COL4A2: variants seen among roughly 807,000 people sequenced by gnomAD.
COL4A2 encodes the protein collagen alpha-2(IV) chain.
COL4A2 carries 99 observed loss-of-function variants against 200.2 expected under a neutral mutation model. The ratio of observed to expected loss-of-function variants is 0.49; its 90% CI spans 0.42 to 0.58. COL4A2 has a LOEUF of 0.58. Among genes scored for constraint, COL4A2 ranks in the 20% least tolerant of loss-of-function variants. The pLI is 0.00. For missense variants in COL4A2, 1,950 were observed against 2,314.1 expected, an observed-to-expected ratio of 0.84 and a Z score of 3.23; for synonymous variants, 897 against 900.6, an observed-to-expected ratio of 1.00 and a Z score of 0.07.
intron 3 of COL4A2, among the ~76,000 whole-genome samples, chr13:110,324,206 G>C (rs971496712): frequency 2.3e-4 from 35 of 152,172 alleles, no homozygotes; most frequent in African/African-American, 8.4e-4. Flanking sequence ...GGCAGGCAGA[G>C]GTTGGCCAGT....
At chr13:110,321,202 C>A (rs71441608) in intron 3 of COL4A2, among the ~76,000 whole-genome samples, 1 of 128,770 alleles carries the variant, frequency 7.8e-6, no homozygotes, top group Admixed American at 7.7e-5. Flanking sequence ...GTGTATGTGT[C>A]TGTGTGTATA....
At chr13:110,439,288 A>G (rs1439081923) in intron 15 of COL4A2, among the ~76,000 whole-genome samples, 1 of 152,232 alleles carries the variant, frequency 6.6e-6, no homozygotes, top group Non-Finnish European at 1.5e-5. Flanking sequence ...AAAAGACCGT[A>G]TTTTACATTC....
At chr13:110,502,231 G>T (rs1282230290) in intron 41 of COL4A2, among the ~76,000 whole-genome samples, 1 of 152,230 alleles carries the variant, frequency 6.6e-6, no homozygotes, top group Non-Finnish European at 1.5e-5. Context: ...AGTGCTGAAA[G>T]CAACCCGAGT....
intron 24 of COL4A2, 104 bp downstream of exon 24, chr13:110,462,488 C>T (rs551461632): frequency 3.0e-5 from 32 of 1,083,332 alleles, no homozygotes; most frequent in Non-Finnish European, 4.1e-5. Flanking sequence ...CTAAACCAAC[C>T]TGTGCATAGG....
chr13:110,364,394 T>A (rs1877652516), intron 4 of COL4A2, among the ~76,000 whole-genome samples: 1 of 152,196 alleles, frequency 6.6e-6, no homozygotes, highest in African/African-American at 2.4e-5. Flanking sequence ...ATCTATCAAA[T>A]CCTCAATGGT....
At chr13:110,349,481 G>A (rs906313370) in intron 3 of COL4A2, among the ~76,000 whole-genome samples, 1 of 152,182 alleles carries the variant, frequency 6.6e-6, no homozygotes, top group Non-Finnish European at 1.5e-5. Context: ...TCTTAATCCT[G>A]CAGCTGCCAC....
intron 4 of COL4A2, among the ~76,000 whole-genome samples, chr13:110,417,144 C>T (rs2139446319): frequency 6.6e-6 from 1 of 152,298 alleles, no homozygotes; most frequent in East Asian, 1.9e-4. Flanking sequence ...CCACGCCTGG[C>T]TCATTTTTGT....
chr13:110,315,758 A>G (rs1885115167), intron 3 of COL4A2, among the ~76,000 whole-genome samples: 1 of 152,156 alleles, frequency 6.6e-6, no homozygotes, highest in African/African-American at 2.4e-5. Context: ...CCCACAGTCC[A>G]AGTTCAGGGC....
chr13:110,310,126 A>G (rs1318284732), intron 3 of COL4A2, among the ~76,000 whole-genome samples: 1 of 152,230 alleles, frequency 6.6e-6, no homozygotes, highest in Non-Finnish European at 1.5e-5. Flanking sequence ...GGCAGATAGG[A>G]CACCTCTATG....
chr13:110,392,206 AAGTC>A (rs1327132125), intron 4 of COL4A2, among the ~76,000 whole-genome samples: 3 of 152,210 alleles, frequency 2.0e-5, no homozygotes, highest in Non-Finnish European at 2.9e-5. Flanking sequence ...TCAAGAAAAC[AAGTC>A]AGTCAGTCAA....
intron 4 of COL4A2, among the ~76,000 whole-genome samples, chr13:110,413,820 G>A (rs1050642213): frequency 2.6e-5 from 4 of 152,318 alleles, no homozygotes; most frequent in South Asian, 2.1e-4. Flanking sequence ...GGACTGTGAT[G>A]TGGGACCCTC....
At position 110,493,758 on chromosome 13, in the gene COL4A2, C is replaced by T. The variant is rs961832335; in HGVS notation, c.3634+476C>T. On this transcript the variant is annotated intron_variant, in intron 39 of 47. Transcript: ENST00000360467. The stretch of plus-strand genomic sequence containing the variant: ...CCCACAGGCTGGGAGCCAAAAACAA[C>T]CAAAATGGGTTTCCTCCCAGTTCTG... Among the ~76,000 whole-genome samples the T allele has an allele frequency of 3.9e-5, 6 of 152,174 alleles. 1 individual carries two copies. The highest frequency in any genetic ancestry group is 1.4e-4 in the African/African-American group (6 of 41,440).
chr13:110,338,895 G>T (rs1204723706), intron 3 of COL4A2, among the ~76,000 whole-genome samples: 6 of 152,170 alleles, frequency 3.9e-5, no homozygotes. Flanking sequence ...TTGGGGCTTT[G>T]TTTTGTTTTC....
At chr13:110,374,025 A>T (rs1269636754) in intron 4 of COL4A2, among the ~76,000 whole-genome samples, 2 of 152,334 alleles carry the variant, frequency 1.3e-5, no homozygotes, top group East Asian at 3.9e-4. Context: ...TTTCAACTGA[A>T]CTGAAGTTTT....
intron 3 of COL4A2, among the ~76,000 whole-genome samples, chr13:110,318,214 A>G (rs1357286561): frequency 2.6e-5 from 4 of 152,234 alleles, no homozygotes; most frequent in Non-Finnish European, 5.9e-5. Flanking sequence ...TGATGCTGCT[A>G]GGAATAATTC....
intron 4 of COL4A2, among the ~76,000 whole-genome samples, chr13:110,378,883 T>C (rs1377727111): frequency 6.6e-6 from 1 of 152,170 alleles, no homozygotes; most frequent in East Asian, 1.9e-4. Context: ...TCCACATTGG[T>C]GTCGGTGGAC....
intron 11 of COL4A2, among the ~76,000 whole-genome samples, chr13:110,433,854 A>G (rs550669900): frequency 6.2e-4 from 95 of 152,390 alleles, no homozygotes; most frequent in African/African-American, 2.2e-3. Context: ...TACTGGGCCT[A>G]GCTTTGCTTC....
Position 110,458,775 on chromosome 13 carries a change from C to T in COL4A2, c.1437C>T (p.Asp479=), listed in dbSNP as rs757480095. The T allele has an allele frequency of 2.4e-5, 39 of 1,613,922 alleles. No individual in the cohort carries two copies. Among genetic ancestry groups the T allele is most frequent in the South Asian group, 1.8e-4 (16 of 91,086 alleles). Residue 479 remains aspartate (D), a synonymous_variant, in exon 22 of 48, where the codon GAC becomes GAT. Coordinates refer to ENST00000360467, the MANE Select transcript of COL4A2 (RefSeq NM_001846.4). ...CCTCCTCTCCCTCCTCTGCAGGTGA[C>T]GCTGGGGAATGCAGATGTACAGAAG... The part of the protein sequence containing the change: ...GARGPKGWKG[D]AGECRCTEGD...
At chr13:110,427,314 T>C (rs147220393) in intron 6 of COL4A2, among the ~76,000 whole-genome samples, 2,236 of 152,276 alleles carry the variant, frequency 0.015, 54 homozygotes, top group African/African-American at 0.051. Flanking sequence ...CATGTCTGGC[T>C]AATTTTTGTA....
Sources: allele counts gnomAD v4.1 joint callset (sites outside exome capture counted in the v4.1 genomes callset), GRCh38; gene constraint gnomAD v4.1.1; transcripts MANE v1.5; gene names NCBI Gene and HGNC (gene_info 2026-07-23, HGNC 2026-07-21).